The following TGFA variants were observed in gnomAD, a reference collection of about 807,000 sequenced individuals.
TGFA encodes transforming growth factor alpha, also known as protransforming growth factor alpha.
In TGFA, 12 loss-of-function variants were observed where a neutral mutation model predicts 21.7. That is an observed-to-expected ratio of 0.55 (90% CI 0.35 to 0.90). The LOEUF is 0.90. TGFA is among the 40% of genes least tolerant of loss of function. The probability of loss-of-function intolerance (pLI) is 0.01; values close to 1 mark genes in which losing one functional copy is unlikely to be tolerated. For missense variants in TGFA, 178 were observed against 210.8 expected, an observed-to-expected ratio of 0.84 and a Z score of 0.96; for synonymous variants, 79 against 88.1, an observed-to-expected ratio of 0.90 and a Z score of 0.58.
Position 70,450,663 on chromosome 2 carries a change from A to C in TGFA, c.*196T>G. 1.7e-6 allele frequency: 1 copy of C among 598,412 alleles called. No individual in the cohort carries two copies. The highest frequency in any genetic ancestry group is 2.8e-5 in the East Asian group (1 of 35,716). The allele number at this position is 598,412 out of a possible 1,614,324, so 37.1% of individuals were successfully genotyped here. ...ATCGTGGTCCGCTGATTTCTTCTCT[A>C]GGTCACACTGAATAACCCCAAGCAG... On this transcript the variant is annotated 3_prime_UTR_variant, in exon 6 of 6. Transcript: ENST00000295400.
chr2:70,509,978 C>A (rs1266413076), intron 2 of TGFA, among the ~76,000 whole-genome samples: 4 of 152,176 alleles, frequency 2.6e-5, no homozygotes, highest in African/African-American at 7.2e-5. Flanking sequence ...GGTGCTGCCA[C>A]CCTCGTCCTG....
chr2:70,490,534 T>C (rs1157613252), intron 2 of TGFA, among the ~76,000 whole-genome samples: 1 of 152,174 alleles, frequency 6.6e-6, no homozygotes, highest in African/African-American at 2.4e-5. Flanking sequence ...GAATACAGAG[T>C]TTCCTTTTAC....
chr2:70,480,449 A>G (rs551133622), intron 2 of TGFA, among the ~76,000 whole-genome samples: 1 of 152,310 alleles, frequency 6.6e-6, no homozygotes, highest in South Asian at 2.1e-4. Context: ...TAGTACTGAT[A>G]TACATTTAGA....
intron 2 of TGFA, among the ~76,000 whole-genome samples, chr2:70,502,382 C>T (rs1357254701): frequency 6.6e-6 from 1 of 152,134 alleles, no homozygotes; most frequent in Admixed American, 6.6e-5. Context: ...CTCTATTGCC[C>T]AGGCTGGAGT....
At chr2:70,548,857 C>T (rs1673395976) in intron 1 of TGFA, among the ~76,000 whole-genome samples, 1 of 150,402 alleles carries the variant, frequency 6.6e-6, no homozygotes, top group Non-Finnish European at 1.5e-5. Context: ...CCTTGAAGAG[C>T]TCCTAAGAGA....
rs1670023740 is a variant in TGFA at position 70,450,618 on chromosome 2, C to CT, written c.*240dup. ...AACAGGAGTCCGTCTCTTTGCAGTTCTTTTTTAACAAGTCTTGAAATCGTG... is the reference window on the plus strand; with the variant it reads ...AACAGGAGTCCGTCTCTTTGCAGTTCTTTTTTTAACAAGTCTTGAAATCGTG... On this transcript the variant is annotated 3_prime_UTR_variant, in exon 6 of 6. Coordinates refer to ENST00000295400, the MANE Select transcript of TGFA (RefSeq NM_003236.4). 3.7e-6 allele frequency: 2 copies of CT among 535,148 alleles called. No homozygotes were observed. The highest frequency in any genetic ancestry group is 3.4e-6 in the Non-Finnish European group (1 of 295,992). 33.1% of individuals were successfully genotyped at this position (535,148 alleles called of 1,614,324 possible).
At chr2:70,514,806 A>G in intron 2 of TGFA, 53 bp downstream of exon 2, 1 of 1,590,116 alleles carries the variant, frequency 6.3e-7, no homozygotes, top group Non-Finnish European at 8.6e-7. Context: ...ACACAGCAGC[A>G]GGCCCGCTCC....
At chr2:70,531,062 A>G (rs539574199) in intron 1 of TGFA, among the ~76,000 whole-genome samples, 1 of 152,346 alleles carries the variant, frequency 6.6e-6, no homozygotes, top group Admixed American at 6.5e-5. Flanking sequence ...GGGCAGGAGC[A>G]CTGAGACATA....
At chr2:70,504,218 C>A (rs960710103) in intron 2 of TGFA, among the ~76,000 whole-genome samples, 2 of 151,210 alleles carry the variant, frequency 1.3e-5, no homozygotes, top group Non-Finnish European at 2.9e-5. Context: ...TCGAGATGAA[C>A]CTGGGCAACA....
chr2:70,451,205 G>T (rs1670047275), intron 5 of TGFA, among the ~76,000 whole-genome samples: 1 of 152,234 alleles, frequency 6.6e-6, no homozygotes, highest in Non-Finnish European at 1.5e-5. Context: ...GGGGTGGCTT[G>T]GTGGGCAGCC....
intron 2 of TGFA, among the ~76,000 whole-genome samples, chr2:70,502,905 G>A (rs975119786): frequency 1.3e-5 from 2 of 152,056 alleles, no homozygotes; most frequent in African/African-American, 2.4e-5. Context: ...TCATTCTCAC[G>A]GAGACCCTGT....
chr2:70,521,681 C>T (rs1672477285), intron 1 of TGFA, among the ~76,000 whole-genome samples: 1 of 122,952 alleles, frequency 8.1e-6, no homozygotes, highest in African/African-American at 3.0e-5. Context: ...GTGGCACGAT[C>T]TTGGCTCACT....
At chr2:70,496,148 G>A (rs1281783504) in intron 2 of TGFA, among the ~76,000 whole-genome samples, 1 of 152,142 alleles carries the variant, frequency 6.6e-6, no homozygotes, top group African/African-American at 2.4e-5. Flanking sequence ...GAAGGAGGTG[G>A]TGTTACCAGA....
chr2:70,477,649 G>C (rs1342812797), intron 2 of TGFA, among the ~76,000 whole-genome samples: 3 of 152,098 alleles, frequency 2.0e-5, no homozygotes, highest in Non-Finnish European at 4.4e-5. Context: ...CCACTTGCAG[G>C]CTTGGTCCAT....
rs782531188 is a variant in TGFA at position 70,456,433 on chromosome 2, C to T, written c.271G>A (p.Val91Met). 1.5e-5 allele frequency: 24 copies of T among 1,605,706 alleles called. No homozygotes were observed. Among genetic ancestry groups the T allele is most frequent in the Non-Finnish European group, 2.0e-5 (24 of 1,176,404 alleles). ...RCEHADLLAVVAASQKKQAIT... is the reference protein window; with the variant it reads ...RCEHADLLAVMAASQKKQAIT... The stretch of plus-strand genomic sequence containing the variant: ...GCCTGCTTCTTCTGGCTGGCAGCCA[C>T]CACGGCCAGGAGGTCCGCATGCTCA... The change falls in exon 4 of 6, where the codon GTG (valine) becomes ATG (methionine). Residue 91 changes from valine (V) to methionine (M), a missense_variant. Transcript: ENST00000295400.
chr2:70,483,091 C>G (rs1671170461), intron 2 of TGFA, among the ~76,000 whole-genome samples: 1 of 152,194 alleles, frequency 6.6e-6, no homozygotes, highest in South Asian at 2.1e-4. Context: ...TCCATTTTGT[C>G]CAACTGAATA....
chr2:70,545,830 GA>G (rs1400635170), intron 1 of TGFA, among the ~76,000 whole-genome samples: 1 of 151,832 alleles, frequency 6.6e-6, no homozygotes, highest in African/African-American at 2.4e-5. Flanking sequence ...ATAAATGGGG[GA>G]AAATACTTGC....
chr2:70,491,904 A>G (rs534315813), intron 2 of TGFA, among the ~76,000 whole-genome samples: 6 of 152,360 alleles, frequency 3.9e-5, no homozygotes, highest in Non-Finnish European at 7.3e-5. Flanking sequence ...GAGCTGCACA[A>G]TGGCACATCT....
intron 2 of TGFA, 127 bp downstream of exon 2, chr2:70,514,732 G>T: frequency 9.9e-7 from 1 of 1,006,006 alleles, no homozygotes; most frequent in Non-Finnish European, 1.5e-6. Flanking sequence ...AGGGGGCAGA[G>T]AGGACTCCGG....
Sources: allele counts gnomAD v4.1 joint callset (sites outside exome capture counted in the v4.1 genomes callset), GRCh38; gene constraint gnomAD v4.1.1; transcripts MANE v1.5; gene names NCBI Gene and HGNC (gene_info 2026-07-23, HGNC 2026-07-21).